Variants in GRHL2 observed in about 807,000 individuals in gnomAD.
The protein encoded by GRHL2 is grainyhead like transcription factor 2.
Under a neutral mutation model 83.8 loss-of-function variants are expected in GRHL2, and 21 were observed. That is an observed-to-expected ratio of 0.25 (90% CI 0.18 to 0.36). The LOEUF (loss-of-function observed/expected upper bound fraction) is 0.36. Among genes scored for constraint, GRHL2 ranks in the 10% least tolerant of loss-of-function variants. GRHL2 has a pLI of 1.00. For synonymous variants in GRHL2, 280 were observed against 278.9 expected (o/e 1.00, Z -0.04); for missense variants, 623 against 781.8 (o/e 0.80, Z 2.42).
intron 8 of GRHL2, among the ~76,000 whole-genome samples, chr8:101,607,030 G>C (rs186280763): frequency 3.3e-5 from 5 of 152,288 alleles, no homozygotes; most frequent in Admixed American, 2.0e-4. Context: ...TAATTGAAAG[G>C]CTGGCTTGTA....
intron 1 of GRHL2, among the ~76,000 whole-genome samples, chr8:101,507,163 G>A (rs1396254517): frequency 6.6e-6 from 1 of 152,144 alleles, no homozygotes; most frequent in Non-Finnish European, 1.5e-5. Context: ...ACTTGTGAGA[G>A]CTCTTTTTGC....
At chr8:101,588,860 T>A (rs552335190) in intron 7 of GRHL2, among the ~76,000 whole-genome samples, 2 of 152,368 alleles carry the variant, frequency 1.3e-5, no homozygotes, top group South Asian at 4.1e-4. Context: ...TTGAGTCTCT[T>A]GCCAATAATA....
rs1317847122 is a variant in GRHL2, at chr8:101,658,921, G to C, written c.1699-5533G>C. On this transcript the variant is annotated intron_variant, in intron 14 of 15. Transcript: ENST00000646743. Reference sequence around the variant, plus strand: ...AGTATGCAACAAGCTCTTATACACAGAAAAATGTTTATCGGGGTGCTTACC... The same window carrying C: ...AGTATGCAACAAGCTCTTATACACACAAAAATGTTTATCGGGGTGCTTACC... Among the ~76,000 whole-genome samples, 3 of 152,150 alleles carry C rather than the reference G, an allele frequency of 2.0e-5. No homozygotes were observed. The South Asian group carries it at 6.2e-4, about 32-fold the overall frequency.
the GRHL2 span, among the ~76,000 whole-genome samples, chr8:101,677,203 A>AAATAATAAT: frequency 0.022 from 3,226 of 148,344 alleles, 99 homozygotes; most frequent in Admixed American, 0.087. Context: ...CCTAAAACTT[A>AAATAATAAT]AATAATAACA....
intron 1 of GRHL2, among the ~76,000 whole-genome samples, chr8:101,535,425 C>T (rs570207137): frequency 6.6e-6 from 1 of 152,282 alleles, no homozygotes; most frequent in African/African-American, 2.4e-5. Flanking sequence ...CAAGGCAGGA[C>T]AAAGGCCAGT....
At chr8:101,652,374 A>ATGTG (rs35343402) in intron 14 of GRHL2, among the ~76,000 whole-genome samples, 2 of 92,422 alleles carry the variant, frequency 2.2e-5, no homozygotes, top group Middle Eastern at 5.8e-3. Flanking sequence ...TGTGTGTCTG[A>ATGTG]TGTGTGTGTG....
intron 4 of GRHL2, 112 bp from the exon 5 acceptor site, chr8:101,570,227 C>A: frequency 1.1e-6 from 1 of 920,240 alleles, no homozygotes; most frequent in Non-Finnish European, 1.8e-6. Flanking sequence ...ATATCAAATA[C>A]ATAACTTTAT....
At chr8:101,653,742 AAAAAAC>A (rs1260207236) in intron 14 of GRHL2, among the ~76,000 whole-genome samples, 2 of 123,036 alleles carry the variant, frequency 1.6e-5, no homozygotes, top group African/African-American at 4.4e-5. Flanking sequence ...TGTCTCAAAA[AAAAAAC>A]AAAAACAAAA....
intron 1 of GRHL2, among the ~76,000 whole-genome samples, chr8:101,534,223 G>T (rs962586982): frequency 2.0e-5 from 3 of 152,124 alleles, no homozygotes; most frequent in Non-Finnish European, 4.4e-5. Context: ...TAGCTGTGAG[G>T]TTCCGGCTCA....
intron 1 of GRHL2, among the ~76,000 whole-genome samples, chr8:101,496,147 CAA>C (rs34918770): frequency 6.2e-5 from 7 of 113,134 alleles, no homozygotes; most frequent in African/African-American, 1.1e-4. Flanking sequence ...GACTCCATCT[CAA>C]AAAAAAAAAA....
intron 1 of GRHL2, among the ~76,000 whole-genome samples, chr8:101,501,285 T>C (rs1414127936): frequency 6.6e-6 from 1 of 152,240 alleles, no homozygotes; most frequent in African/African-American, 2.4e-5. Context: ...AAGGAAATGC[T>C]TCCTTTACAA....
intron 12 of GRHL2, among the ~76,000 whole-genome samples, chr8:101,637,267 T>C (rs1372632192): frequency 1.3e-5 from 2 of 152,174 alleles, no homozygotes; most frequent in Non-Finnish European, 2.9e-5. Context: ...CCTTCTTACC[T>C]ATTGTTTGGC....
chr8:101,676,263 G>A, the GRHL2 span, among the ~76,000 whole-genome samples: 576 of 150,174 alleles, frequency 3.8e-3, 7 homozygotes, highest in East Asian at 0.058. Flanking sequence ...TACCATCAGA[G>A]TGAACAGGCA....
chr8:101,517,257 C>A (rs1010700404), intron 1 of GRHL2, among the ~76,000 whole-genome samples: 3 of 152,174 alleles, frequency 2.0e-5, no homozygotes, highest in Non-Finnish European at 2.9e-5. Context: ...TCCCTGCCCC[C>A]TTCCCAGTTT....
chr8:101,523,166 C>A (rs1160566809), intron 1 of GRHL2, among the ~76,000 whole-genome samples: 2 of 152,146 alleles, frequency 1.3e-5, no homozygotes, highest in East Asian at 3.9e-4. Flanking sequence ...CCCACCTCGG[C>A]CTCCCAAAGT....
intron 6 of GRHL2, among the ~76,000 whole-genome samples, chr8:101,575,437 T>TC (rs1811914544): frequency 1.3e-5 from 2 of 151,908 alleles, no homozygotes; most frequent in African/African-American, 2.4e-5. Context: ...AAGTGAAGAG[T>TC]CCCCCCTTTC....
At chr8:101,590,751 C>T (rs1427933070) in intron 7 of GRHL2, among the ~76,000 whole-genome samples, 1 of 152,120 alleles carries the variant, frequency 6.6e-6, no homozygotes, top group African/African-American at 2.4e-5. Context: ...TAAACTATGT[C>T]GAGCTCTCAG....
In GRHL2 at chr8:101,506,039, T is replaced by C. The variant is rs149016603; in HGVS notation, c.20+13250T>C. 4.0e-3 allele frequency among the ~76,000 whole-genome samples: 614 copies of C among 152,346 alleles called. 2 individuals carry two copies. The highest frequency in any genetic ancestry group is 0.012 in the African/African-American group (517 of 41,586). ...TTGATGTTGTCATTGTAGCAAATAG[T>C]TCTAGAGTGTGGAAGAAGTTGAAAA... On this transcript the variant is annotated intron_variant, in intron 1 of 15. Transcript: ENST00000646743.
chr8:101,516,840 A>G (rs1435305852), intron 1 of GRHL2, among the ~76,000 whole-genome samples: 2 of 152,226 alleles, frequency 1.3e-5, no homozygotes, highest in Non-Finnish European at 2.9e-5. Flanking sequence ...CACTTGCATG[A>G]ATCAATTGTT....
Sources: gnomAD v4.1 joint callset for allele counts (sites outside exome capture counted in the v4.1 genomes callset) on GRCh38, gnomAD v4.1.1 for gene constraint, MANE v1.5 for transcripts, NCBI Gene and HGNC (gene_info 2026-07-23, HGNC 2026-07-21) for gene names.